Variants in WDR47 observed in about 807,000 individuals in gnomAD.
WDR47 encodes the protein WD repeat-containing protein 47.
A neutral mutation model predicts 97.2 loss-of-function variants in WDR47; 32 were observed. That is an observed-to-expected ratio of 0.33 (90% CI 0.25 to 0.44). The LOEUF is 0.44. Among genes scored for constraint, WDR47 ranks in the 20% least tolerant of loss-of-function variants. The pLI, the probability that WDR47 is intolerant of heterozygous loss-of-function variation, is 1.00. For synonymous variants in WDR47, 375 were observed against 373.5 expected (o/e 1.00, Z -0.05); for missense variants, 782 against 1,102.3 (o/e 0.71, Z 4.11).
intron 1 of WDR47, among the ~76,000 whole-genome samples, chr1:109,026,063 T>A (rs1026602423): frequency 7.3e-5 from 11 of 151,608 alleles, no homozygotes; most frequent in Non-Finnish European, 1.5e-4. Flanking sequence ...TTTTTTTTTT[T>A]AAAGACAGGG....
intron 5 of WDR47, 108 bp downstream of exon 5, chr1:109,010,808 T>C (rs916497675): frequency 3.7e-6 from 4 of 1,083,196 alleles, no homozygotes; most frequent in Non-Finnish European, 5.3e-6. Flanking sequence ...GGTCTCAATC[T>C]CCTGACCTTG....
rs1467078979 is a variant in WDR47, at chr1:109,011,275, A to T, written c.771T>A (p.Ser257=). 1.2e-6 allele frequency: 2 copies of T among 1,614,074 alleles called. No individual in the cohort carries two copies. The highest frequency in any genetic ancestry group is 1.7e-6 in the Non-Finnish European group (2 of 1,180,050). The change falls in exon 5 of 15, where the codon TCT becomes TCA. Residue 257 remains serine, a synonymous_variant. Transcript: ENST00000369962. ...WLQNLPSSVF[S]CAFEQKMLNI... ...TAAGCATTTTCTGTTCAAAAGCACA[A>T]GAGAAGACAGAAGATGGAAGATTCT... is the stretch of plus-strand genomic sequence containing the variant.
chr1:108,983,554 G>T, intron 10 of WDR47, 103 bp from the exon 11 acceptor site: 2 of 967,868 alleles, frequency 2.1e-6, no homozygotes, highest in Non-Finnish European at 2.8e-6. Flanking sequence ...GAAAAAGCGT[G>T]TCAGACAACA....
At chr1:109,030,060 G>A in intron 1 of WDR47, 2 of 576,018 alleles carry the variant, frequency 3.5e-6, no homozygotes, top group Non-Finnish European at 5.7e-6. Flanking sequence ...CTACCCACAG[G>A]AGAACATGCC....
At chr1:109,006,903 T>C (rs1198222132) in intron 5 of WDR47, among the ~76,000 whole-genome samples, 1 of 152,198 alleles carries the variant, frequency 6.6e-6, no homozygotes, top group East Asian at 1.9e-4. Flanking sequence ...TTCAATCATA[T>C]TGTAGCATGG....
In WDR47 at chr1:109,023,351, A is replaced by G. The variant is rs1557957291; in HGVS notation, c.158+4T>C. ...ACAAACTTCACAGTATAATGAAATC[A>G]TACCTCAGGAAAAGCATATCATCTG... On this transcript the variant is annotated splice_donor_region_variant and intron_variant, in intron 2 of 14. Transcript: ENST00000369962. The G allele has an allele frequency of 1.2e-6, 2 of 1,612,808 alleles. No individual in the cohort carries two copies.
intron 1 of WDR47, among the ~76,000 whole-genome samples, chr1:109,039,930 G>T (rs1213127741): frequency 1.3e-5 from 2 of 151,728 alleles, no homozygotes; most frequent in African/African-American, 4.8e-5. Flanking sequence ...CAGCTACTTG[G>T]GAGGCTGAGG....
chr1:109,011,006 T>C lies in WDR47; in HGVS notation c.1040A>G (p.Asn347Ser). The change falls in exon 5 of 15, where the codon AAC becomes AGC. Residue 347 changes from asparagine to serine, a missense_variant. This residue lies in a region of WDR47 where 428 missense variants were observed against 584.3 expected (regional missense o/e 0.73). Transcript: ENST00000369962. ...KTSPMSHSFA[N>S]FHYPGVQNLS... ...GTTTTGTACCCCTGGATAATGGAAG[T>C]TAGCAAAGGAGTGTGACATTGGAGA... 1 of 1,614,154 alleles carries C rather than the reference T, an allele frequency of 6.2e-7. No homozygotes were observed. The highest frequency in any genetic ancestry group is 1.3e-5 in the African/African-American group (1 of 75,038).
intron 9 of WDR47, among the ~76,000 whole-genome samples, chr1:108,990,138 G>C (rs903769756): frequency 1.3e-5 from 2 of 152,096 alleles, no homozygotes; most frequent in African/African-American, 2.4e-5. Flanking sequence ...GAGGTGGGAG[G>C]ATTGCTTGAG....
At chr1:109,023,289 T>G in intron 2 of WDR47, 66 bp downstream of exon 2, 1 of 1,488,188 alleles carries the variant, frequency 6.7e-7, no homozygotes, top group Non-Finnish European at 9.1e-7. Flanking sequence ...ATTATATATA[T>G]TACCTTATTA....
chr1:109,033,157 A>G (rs1247989748), intron 1 of WDR47, among the ~76,000 whole-genome samples: 1 of 151,696 alleles, frequency 6.6e-6, no homozygotes, highest in Non-Finnish European at 1.5e-5. Flanking sequence ...AGCTGGGCAC[A>G]GTGGCAGGCA....
intron 1 of WDR47, among the ~76,000 whole-genome samples, chr1:109,028,618 AT>A (rs1352715898): frequency 6.7e-6 from 1 of 149,470 alleles, no homozygotes; most frequent in African/African-American, 2.5e-5. Context: ...CGCCCAGCTA[AT>A]TTTTTGTATC....
At chr1:108,996,414 T>G (rs1317289957) in intron 7 of WDR47, among the ~76,000 whole-genome samples, 1 of 152,212 alleles carries the variant, frequency 6.6e-6, no homozygotes, top group Non-Finnish European at 1.5e-5. Context: ...ATTCTTTTTC[T>G]TCCCCAATAT....
intron 13 of WDR47, among the ~76,000 whole-genome samples, chr1:108,976,650 T>C (rs1256590719): frequency 6.6e-6 from 1 of 152,074 alleles, no homozygotes; most frequent in Non-Finnish European, 1.5e-5. Flanking sequence ...TAAATAGTGA[T>C]AAGAGTTCAG....
At chr1:109,005,722 A>T (rs1235971588) in intron 5 of WDR47, among the ~76,000 whole-genome samples, 1 of 150,948 alleles carries the variant, frequency 6.6e-6, no homozygotes, top group Non-Finnish European at 1.5e-5. Context: ...AAACACAAAA[A>T]TTTGTTGGGC....
chr1:109,026,480 CTTTTT>C (rs1210842788), intron 1 of WDR47, among the ~76,000 whole-genome samples: 1 of 151,812 alleles, frequency 6.6e-6, no homozygotes, highest in African/African-American at 2.4e-5. Context: ...TTAGACAATT[CTTTTT>C]TTTATTTTTA....
intron 8 of WDR47, 79 bp downstream of exon 8, chr1:108,995,501 A>T: frequency 4.6e-6 from 7 of 1,519,786 alleles, no homozygotes; most frequent in Non-Finnish European, 6.2e-6. Flanking sequence ...TTTATTTATA[A>T]GGCTCCAAAG....
At chr1:109,040,942 A>G (rs917769149) in intron 1 of WDR47, among the ~76,000 whole-genome samples, 3 of 152,096 alleles carry the variant, frequency 2.0e-5, no homozygotes, top group Non-Finnish European at 4.4e-5. Flanking sequence ...AAGTATTAGG[A>G]TCACAACCTA....
At position 108,982,616 on chromosome 1, in the gene WDR47, T is replaced by C. The variant is rs1195713235; in HGVS notation, c.2259A>G (p.Gly753=). Reference sequence around the variant, plus strand: ...GAAACTGATATTACATACCAGTATGTCCACTCAAAGCATGGAGGCCCTGTC... The same window carrying C: ...GAAACTGATATTACATACCAGTATGCCCACTCAAAGCATGGAGGCCCTGTC... The part of the protein sequence containing the change: ...QRGQGLHALS[G]HTGHILALYT... Residue 753 remains glycine, a synonymous_variant, in exon 12 of 15, where the codon GGA becomes GGG. Transcript: ENST00000369962. 3 of 1,600,616 alleles carry C rather than the reference T, an allele frequency of 1.9e-6. No individual in the cohort carries two copies. The South Asian group carries it at 3.4e-5, about 18-fold the overall frequency.
Sources: gnomAD v4.1 joint callset for allele counts (sites outside exome capture counted in the v4.1 genomes callset) on GRCh38, gnomAD v4.1.1 for gene constraint, gnomAD v4.1.1 regional missense constraint, MANE v1.5 for transcripts, NCBI Gene and HGNC (gene_info 2026-07-23, HGNC 2026-07-21) for gene names.